NRDE2: variants seen among roughly 807,000 people sequenced by gnomAD.
NRDE2 encodes NRDE-2, necessary for RNA interference, domain containing, also known as nuclear exosome regulator NRDE2.
Under a neutral mutation model 124.2 loss-of-function variants are expected in NRDE2, and 76 were observed. The observed-to-expected ratio is 0.61, with a 90% CI of 0.51 to 0.74. The LOEUF (loss-of-function observed/expected upper bound fraction) is 0.74. Among genes scored for constraint, NRDE2 ranks in the 30% least tolerant of loss-of-function variants. The pLI is 0.00. For synonymous variants in NRDE2, 489 were observed against 528.1 expected (o/e 0.93, Z 1.01); for missense variants, 1,314 against 1,417.3 (o/e 0.93, Z 1.17).
At chr14:90,297,854 T>C (rs1211574894) in intron 8 of NRDE2, among the ~76,000 whole-genome samples, 2 of 151,112 alleles carry the variant, frequency 1.3e-5, no homozygotes, top group Admixed American at 6.6e-5. Flanking sequence ...CGCATGAGAA[T>C]TGCTTGAACC....
chr14:90,269,768 CTT>C lies in NRDE2; in HGVS notation c.*8566_*8567del. The C allele has an allele frequency of 2.2e-6, 1 of 450,608 alleles. No individual in the cohort carries two copies. Among genetic ancestry groups the C allele is most frequent in the Non-Finnish European group, 3.8e-6 (1 of 260,384 alleles). 27.9% of individuals were successfully genotyped at this position (450,608 alleles called of 1,614,324 possible). A position where few individuals can be genotyped will look rare whatever the true frequency, so the allele number is the denominator to read the frequency against. On this transcript the variant is annotated 3_prime_UTR_variant, in exon 14 of 14. Coordinates refer to ENST00000354366, the MANE Select transcript of NRDE2 (RefSeq NM_017970.4). ...TTTGAATTCCAGTCTTATGTCTTGTCTTTTCTTTTCCATAACATTCCCTTTTT... is the reference window on the plus strand; with the variant it reads ...TTTGAATTCCAGTCTTATGTCTTGTCTTCTTTTCCATAACATTCCCTTTTT...
chr14:90,287,599 C>T (rs368488725), intron 11 of NRDE2, among the ~76,000 whole-genome samples: 27 of 151,952 alleles, frequency 1.8e-4, no homozygotes, highest in African/African-American at 6.3e-4. Context: ...CCAGCCTGAG[C>T]GACAGAGTAA....
In NRDE2 at chr14:90,279,027, G is replaced by A. The variant is rs780034384; in HGVS notation, c.3369+35C>T. ...GACGGAGACCTGGCGGGAAGTTTTCGGGAAGCTGAAGACACCATGGCCTTT... is the reference window on the plus strand; with the variant it reads ...GACGGAGACCTGGCGGGAAGTTTTCAGGAAGCTGAAGACACCATGGCCTTT... On this transcript the variant is annotated intron_variant, in intron 13 of 13. Coordinates refer to ENST00000354366, the MANE Select transcript of NRDE2 (RefSeq NM_017970.4). 39 of 1,516,074 alleles carry A rather than the reference G, an allele frequency of 2.6e-5. No individual in the cohort carries two copies. In the Admixed American group the frequency reaches 4.0e-4, roughly 16 times the overall value. The allele number at this position is 1,516,074 out of a possible 1,614,324, so 93.9% of individuals were successfully genotyped here. A position where few individuals can be genotyped will look rare whatever the true frequency, so the allele number is the denominator to read the frequency against.
rs1892303422 is a variant in NRDE2 at position 90,292,686 on chromosome 14, AG to A, written c.1842+10del. On this transcript the variant is annotated intron_variant, in intron 9 of 13. Coordinates refer to ENST00000354366, the MANE Select transcript of NRDE2 (RefSeq NM_017970.4). ...CTGGACAGCTTCCTGCCTGGGGCGG[AG>A]GATACATGCCTGTCTCTCGGGATCC... The A allele has an allele frequency of 6.2e-7, 1 of 1,606,608 alleles. No homozygotes were observed. The highest frequency in any genetic ancestry group is 1.3e-5 in the African/African-American group (1 of 74,790).
intron 1 of NRDE2, among the ~76,000 whole-genome samples, chr14:90,322,144 T>TA (rs1203357264): frequency 1.3e-5 from 2 of 152,204 alleles, no homozygotes; most frequent in African/African-American, 4.8e-5. Context: ...ACGGGGCTCT[T>TA]ACGGCAATCT....
At chr14:90,299,157 C>T (rs1208227118) in intron 7 of NRDE2, among the ~76,000 whole-genome samples, 1 of 152,170 alleles carries the variant, frequency 6.6e-6, no homozygotes, top group East Asian at 1.9e-4. Flanking sequence ...AGCAATTCTC[C>T]TACCTCAGCC....
Position 90,297,409 on chromosome 14 carries a change from A to T in NRDE2, c.1666+851T>A, listed in dbSNP as rs2139683352. 1.3e-5 allele frequency among the ~76,000 whole-genome samples: 2 copies of T among 152,266 alleles called. 1 individual carries two copies. The highest frequency in any genetic ancestry group is 6.8e-3 in the Middle Eastern group (2 of 294). On this transcript the variant is annotated intron_variant, in intron 8 of 13. Transcript: ENST00000354366. ...ATCATCTGTTCCTTTTTACTTTTTT[A>T]ATGTGGCCACTAGAAAATTTGAAAT...
intron 4 of NRDE2, among the ~76,000 whole-genome samples, chr14:90,310,437 G>A (rs1884785980): frequency 6.6e-6 from 1 of 151,928 alleles, no homozygotes. Flanking sequence ...GCAGCTGTGA[G>A]GATCAGACAG....
chr14:90,303,822 T>C (rs972441457), intron 5 of NRDE2, 113 bp downstream of exon 5: 1 of 906,550 alleles, frequency 1.1e-6, no homozygotes. Flanking sequence ...ATAATCTTTG[T>C]ATGCCCAGTG....
chr14:90,288,325 G>A lies in NRDE2; in HGVS notation c.3050C>T (p.Thr1017Ile), dbSNP rs1051907531. The A allele has an allele frequency of 6.2e-7, 1 of 1,614,180 alleles. No homozygotes were observed. Among genetic ancestry groups the A allele is most frequent in the Non-Finnish European group, 8.5e-7 (1 of 1,180,028 alleles). The part of the protein sequence containing the change: ...IQNKSHSASK[T>I]RRFFDTITRS... ...GGTGATTGTGTCAAAAAATCTCCTG[G>A]TTTTGCTGGCACTGTGGGACTTATT... The change falls in exon 11 of 14, where the codon ACC (threonine) becomes ATC (isoleucine). Residue 1017 changes from threonine (T) to isoleucine (I), a missense_variant. Thr to Ile is a moderately conservative substitution (Grantham distance 89). Transcript: ENST00000354366.
In NRDE2 at chr14:90,331,862, C is replaced by T. The variant is rs372374824; in HGVS notation, c.43G>A (p.Asp15Asn). 6.2e-7 allele frequency: 1 copy of T among 1,614,116 alleles called. No individual in the cohort carries two copies. Among genetic ancestry groups the T allele is most frequent in the Non-Finnish European group, 8.5e-7 (1 of 1,180,036 alleles). ...TTACCTTTCCTGGAGCTCCCGCCATCGGGAGCCTCACTAAGCCCCGCAAAG... is the reference window on the plus strand; with the variant it reads ...TTACCTTTCCTGGAGCTCCCGCCATTGGGAGCCTCACTAAGCCCCGCAAAG... ...PAFAGLSEAP[D>N]GGSSRKELDW... Residue 15 changes from aspartate (D) to asparagine (N), a missense_variant, in exon 1 of 14, where the codon GAT becomes AAT. Physicochemically the swap from Asp to Asn is conservative, Grantham distance 23 (BLOSUM62 1). Transcript: ENST00000354366.
intron 3 of NRDE2, 108 bp from the exon 4 acceptor site, chr14:90,312,651 G>T: frequency 9.9e-7 from 1 of 1,010,484 alleles, no homozygotes; most frequent in Non-Finnish European, 1.5e-6. Context: ...AACTCCACAT[G>T]GCATCAAACA....
chr14:90,316,161 T>A (rs1292232661), intron 3 of NRDE2, among the ~76,000 whole-genome samples: 1 of 152,172 alleles, frequency 6.6e-6, no homozygotes, highest in Non-Finnish European at 1.5e-5. Context: ...TGTGTGATCA[T>A]GTATACACAC....
intron 1 of NRDE2, among the ~76,000 whole-genome samples, chr14:90,319,238 A>G (rs905743117): frequency 2.0e-5 from 3 of 152,172 alleles, no homozygotes; most frequent in African/African-American, 4.8e-5. Flanking sequence ...GGGAGGCCAG[A>G]GCTTATTCAT....
chr14:90,330,240 G>A (rs1179630600), intron 1 of NRDE2, among the ~76,000 whole-genome samples: 1 of 38,454 alleles, frequency 2.6e-5, no homozygotes, highest in African/African-American at 1.4e-4. Flanking sequence ...TAAATAAAAA[G>A]AAGTAATTAA....
Position 90,312,511 on chromosome 14 carries a change from T to A in NRDE2, c.440A>T (p.His147Leu). ...QGNNAAADTGHRFVWLEDIQA... is the reference protein window; with the variant it reads ...QGNNAAADTGLRFVWLEDIQA... ...AATGTCCTCAAGCCAAACAAAGCGATGTCCAGTATCAGCTGCAGCATTATT... is the reference window on the plus strand; with the variant it reads ...AATGTCCTCAAGCCAAACAAAGCGAAGTCCAGTATCAGCTGCAGCATTATT... Residue 147 changes from histidine to leucine, a missense_variant, in exon 4 of 14, where the codon CAT (histidine) becomes CTT (leucine). Transcript: ENST00000354366. 1 of 1,614,174 alleles carries A rather than the reference T, an allele frequency of 6.2e-7. No individual in the cohort carries two copies.
chr14:90,279,377 T>C, intron 12 of NRDE2: 1 of 444,542 alleles, frequency 2.2e-6, no homozygotes, highest in East Asian at 3.9e-5. Context: ...TCCTGAACAC[T>C]ACTGACTTTT....
At chr14:90,311,651 A>G (rs1363788149) in intron 4 of NRDE2, among the ~76,000 whole-genome samples, 1 of 152,128 alleles carries the variant, frequency 6.6e-6, no homozygotes, top group Non-Finnish European at 1.5e-5. Flanking sequence ...GTATTTCTTC[A>G]TAATAGTATG....
chr14:90,273,963 C>CTGTT lies in NRDE2; in HGVS notation c.*4369_*4372dup. 6.7e-6 allele frequency: 1 copy of CTGTT among 149,394 alleles called. No homozygotes were observed. Among genetic ancestry groups the CTGTT allele is most frequent in the East Asian group, 2.1e-4 (1 of 4,740 alleles). 9.3% of individuals were successfully genotyped at this position (149,394 alleles called of 1,614,324 possible). A position where few individuals can be genotyped will look rare whatever the true frequency, so the allele number is the denominator to read the frequency against. On this transcript the variant is annotated 3_prime_UTR_variant, in exon 14 of 14. Coordinates refer to ENST00000354366, the MANE Select transcript of NRDE2 (RefSeq NM_017970.4). ...ATGCAGATGATCCAGGATAATTTCC[C>CTGTT]TGTTTTAAAGTTTACAATCTTCTTA... is the stretch of plus-strand genomic sequence containing the variant.
Sources: allele counts gnomAD v4.1 joint callset (sites outside exome capture counted in the v4.1 genomes callset), GRCh38; gene constraint gnomAD v4.1.1; transcripts MANE v1.5; gene names NCBI Gene and HGNC (gene_info 2026-07-23, HGNC 2026-07-21).